The following NIM1K variants were observed in gnomAD, a reference collection of about 807,000 sequenced individuals.
NIM1K encodes serine/threonine-protein kinase NIM1.
In NIM1K, 35 loss-of-function variants were observed where a neutral mutation model predicts 37.1. The observed-to-expected ratio is 0.94, with a 90% confidence interval of 0.72 to 1.25. NIM1K has a LOEUF of 1.25. Among genes scored for constraint, NIM1K ranks in the 50% most tolerant of loss-of-function variants. The probability of loss-of-function intolerance (pLI) is 0.00; values close to 1 mark genes in which losing one functional copy is unlikely to be tolerated. For missense variants in NIM1K, 564 were observed against 548.0 expected, an observed-to-expected ratio of 1.03 and a Z score of -0.29; for synonymous variants, 234 against 206.6, an observed-to-expected ratio of 1.13 and a Z score of -1.14.
At chr5:43,270,924 A>G (rs1410067971) in intron 2 of NIM1K, among the ~76,000 whole-genome samples, 1 of 152,172 alleles carries the variant, frequency 6.6e-6, no homozygotes, top group African/African-American at 2.4e-5. Context: ...CCAAACACCA[A>G]GTGGTATTGA....
intron 2 of NIM1K, 36 bp from the exon 3 acceptor site, chr5:43,277,021 G>T: frequency 6.2e-7 from 1 of 1,607,102 alleles, no homozygotes; most frequent in Non-Finnish European, 8.5e-7. Flanking sequence ...ATGCTCCTGT[G>T]AATTCTGGCA....
intron 2 of NIM1K, among the ~76,000 whole-genome samples, chr5:43,265,231 C>T (rs1396583826): frequency 6.6e-6 from 1 of 152,230 alleles, no homozygotes; most frequent in Admixed American, 6.5e-5. Context: ...TGGTTCCATT[C>T]TCTCCGTCAC....
intron 2 of NIM1K, among the ~76,000 whole-genome samples, chr5:43,260,545 A>G (rs1335867331): frequency 6.6e-6 from 1 of 151,868 alleles, no homozygotes; most frequent in Non-Finnish European, 1.5e-5. Context: ...TTTGTTTTTA[A>G]TTCTGTTTAT....
chr5:43,233,750 C>T (rs1752576390), intron 1 of NIM1K, among the ~76,000 whole-genome samples: 1 of 152,202 alleles, frequency 6.6e-6, no homozygotes, highest in African/African-American at 2.4e-5. Flanking sequence ...TTTTAATTCC[C>T]TAAAAATAAA....
chr5:43,267,120 C>G (rs1311853625), intron 2 of NIM1K, among the ~76,000 whole-genome samples: 1 of 152,178 alleles, frequency 6.6e-6, no homozygotes, highest in Non-Finnish European at 1.5e-5. Flanking sequence ...GTAAATTTTA[C>G]TTAGTCAGTC....
intron 1 of NIM1K, among the ~76,000 whole-genome samples, chr5:43,214,738 C>T (rs1490620253): frequency 8.0e-5 from 12 of 150,556 alleles, no homozygotes; most frequent in Non-Finnish European, 1.8e-4. Flanking sequence ...ATGGCGTGAA[C>T]CCAGGAGGCG....
chr5:43,218,675 C>G (rs1752339727), intron 1 of NIM1K, among the ~76,000 whole-genome samples: 1 of 151,964 alleles, frequency 6.6e-6, no homozygotes, highest in Non-Finnish European at 1.5e-5. Flanking sequence ...AAACATCTCT[C>G]ATTAGGTCCC....
chr5:43,273,856 G>A (rs539538430), intron 2 of NIM1K, among the ~76,000 whole-genome samples: 52 of 152,250 alleles, frequency 3.4e-4, no homozygotes, highest in Non-Finnish European at 2.9e-4. Flanking sequence ...TAGGTGCTAT[G>A]CTTGTAAGAA....
In NIM1K at chr5:43,245,269, CAGAA is replaced by C. The variant is rs1752759614; in HGVS notation, c.-503_-500del. The C allele has an allele frequency of 6.6e-6, 1 of 152,356 alleles. No individual in the cohort carries two copies. The highest frequency in any genetic ancestry group is 6.5e-5 in the Admixed American group (1 of 15,276). 9.4% of individuals were successfully genotyped at this position (152,356 alleles called of 1,614,324 possible). A position where few individuals can be genotyped will look rare whatever the true frequency, so the allele number is the denominator to read the frequency against. ...AGGTCTCCAGCGCCCTGCAGCTTGA[CAGAA>C]AGAGAAGCATGAAATGAAGGTCAGA... On this transcript the variant is annotated 5_prime_UTR_variant, in exon 2 of 4. Transcript: ENST00000326035.
chr5:43,240,011 C>T (rs1299874450), intron 1 of NIM1K, among the ~76,000 whole-genome samples: 1 of 152,066 alleles, frequency 6.6e-6, no homozygotes, highest in Non-Finnish European at 1.5e-5. Flanking sequence ...GCAAACTTAT[C>T]GTACACCAAC....
At chr5:43,264,125 C>T (rs901799631) in intron 2 of NIM1K, among the ~76,000 whole-genome samples, 41 of 152,058 alleles carry the variant, frequency 2.7e-4, no homozygotes, top group Non-Finnish European at 1.6e-4. Flanking sequence ...GTTCTGTAGA[C>T]GTCTGTTAGG....
At chr5:43,244,633 G>C (rs1264539883) in intron 1 of NIM1K, among the ~76,000 whole-genome samples, 1 of 152,192 alleles carries the variant, frequency 6.6e-6, no homozygotes, top group Non-Finnish European at 1.5e-5. Flanking sequence ...TAGGAAGAAA[G>C]AGTGGAAGCA....
At chr5:43,279,934 G>T in intron 3 of NIM1K, 46 bp from the exon 4 acceptor site, 2 of 1,485,786 alleles carry the variant, frequency 1.3e-6, no homozygotes, top group South Asian at 1.2e-5. Context: ...TTTTTATTTT[G>T]ACATTTTACT....
chr5:43,239,510 T>G (rs1445482822), intron 1 of NIM1K, among the ~76,000 whole-genome samples: 1 of 151,206 alleles, frequency 6.6e-6, no homozygotes, highest in Non-Finnish European at 1.5e-5. Context: ...AGTGTTGGGA[T>G]TATAGGCGTG....
chr5:43,193,390 TCC>T (rs1390034666), intron 1 of NIM1K: 4 of 149,672 alleles, frequency 2.7e-5, no homozygotes, highest in African/African-American at 7.4e-5. Flanking sequence ...TCCTCTCTTT[TCC>T]CCTTCCCTCC....
Position 43,213,226 on chromosome 5 carries a change from C to T in NIM1K, c.-695+20815C>T, listed in dbSNP as rs56913128. Among the ~76,000 whole-genome samples, 15 of 72,166 alleles carry T rather than the reference C, an allele frequency of 2.1e-4. 1 individual carries two copies. Among genetic ancestry groups the T allele is most frequent in the African/African-American group, 6.3e-4 (12 of 18,950 alleles). The allele number at this position is 72,166 out of a possible 152,430, so 47.3% of individuals were successfully genotyped here. On this transcript the variant is annotated intron_variant, in intron 1 of 3. Coordinates refer to ENST00000326035, the MANE Select transcript of NIM1K (RefSeq NM_153361.4). Reference sequence around the variant, plus strand: ...CTTTCTTTCTTTCTTTCTTTCTTTCCTTCTTTTCTTCCTTTCTTTCTTTCT... The same window carrying T: ...CTTTCTTTCTTTCTTTCTTTCTTTCTTTCTTTTCTTCCTTTCTTTCTTTCT...
chr5:43,234,374 A>T (rs541263988), intron 1 of NIM1K, among the ~76,000 whole-genome samples: 6 of 128,792 alleles, frequency 4.7e-5, no homozygotes, highest in African/African-American at 1.9e-4. Flanking sequence ...CAATTATTTT[A>T]AAAATTGTAT....
At chr5:43,232,341 G>A in intron 1 of NIM1K, 1 of 1,318,552 alleles carries the variant, frequency 7.6e-7, no homozygotes, top group Non-Finnish European at 1.1e-6. Flanking sequence ...GGCTTTCTCA[G>A]CAGAGATGAC....
chr5:43,248,360 A>G (rs993616000), intron 2 of NIM1K, among the ~76,000 whole-genome samples: 6 of 152,176 alleles, frequency 3.9e-5, no homozygotes, highest in African/African-American at 1.4e-4. Context: ...AGACTTTAAA[A>G]TTTTTGTGAT....
Sources: gnomAD v4.1 joint callset for allele counts (sites outside exome capture counted in the v4.1 genomes callset) on GRCh38, gnomAD v4.1.1 for gene constraint, MANE v1.5 for transcripts, NCBI Gene and HGNC (gene_info 2026-07-23, HGNC 2026-07-21) for gene names.